The following FAM222A variants were observed in gnomAD, a reference collection of about 807,000 sequenced individuals.
FAM222A encodes the protein protein FAM222A.
Under a neutral mutation model 25.8 loss-of-function variants are expected in FAM222A, and 7 were observed. That is an observed-to-expected ratio of 0.27 (90% CI 0.15 to 0.51). FAM222A has a LOEUF of 0.51. Ranked by LOEUF, FAM222A falls within the 20% of genes least tolerant of loss-of-function variation. The pLI is 0.97. For synonymous variants in FAM222A, 294 were observed against 298.8 expected, an observed-to-expected ratio of 0.98 and a Z score of 0.17; for missense variants, 573 against 640.5, an observed-to-expected ratio of 0.89 and a Z score of 1.14.
intron 1 of FAM222A, among the ~76,000 whole-genome samples, chr12:109,741,277 CCCT>C (rs1215402641): frequency 6.6e-6 from 1 of 152,166 alleles, no homozygotes; most frequent in Non-Finnish European, 1.5e-5. Flanking sequence ...AGAAAAAAGT[CCCT>C]CCTCTTTAAG....
At chr12:109,762,269 T>C (rs2136380607) in intron 2 of FAM222A, among the ~76,000 whole-genome samples, 1 of 152,310 alleles carries the variant, frequency 6.6e-6, no homozygotes, top group Non-Finnish European at 1.5e-5. Flanking sequence ...GCAGCTGCCC[T>C]GTGATGTCCT....
At chr12:109,750,087 CT>C (rs1220704011) in intron 2 of FAM222A, among the ~76,000 whole-genome samples, 2 of 152,094 alleles carry the variant, frequency 1.3e-5, no homozygotes, top group Admixed American at 6.6e-5. Context: ...GTCATTTGTG[CT>C]TTATTTAAGT....
At chr12:109,744,427 G>C (rs1445887251) in intron 2 of FAM222A, 199 bp downstream of exon 2, 55 of 985,434 alleles carry the variant, frequency 5.6e-5, no homozygotes, top group Non-Finnish European at 6.6e-5. Flanking sequence ...AGCTCCTGTG[G>C]AGCAAGACTC....
intron 1 of FAM222A, among the ~76,000 whole-genome samples, chr12:109,730,865 G>A (rs759553521): frequency 1.3e-5 from 2 of 152,236 alleles, no homozygotes; most frequent in East Asian, 1.9e-4. Context: ...CTCCTCCCCC[G>A]CTGCTGTGTG....
At chr12:109,724,434 C>T (rs1007924985) in intron 1 of FAM222A, among the ~76,000 whole-genome samples, 3 of 152,258 alleles carry the variant, frequency 2.0e-5, no homozygotes, top group Non-Finnish European at 4.4e-5. Flanking sequence ...CCAGGCCTCA[C>T]AGACTCCCTT....
At chr12:109,722,945 T>A (rs1313324065) in intron 1 of FAM222A, 4 of 140,398 alleles carry the variant, frequency 2.8e-5, no homozygotes, top group African/African-American at 1.1e-4. Context: ...GGAGCCTCAA[T>A]AGGTGAGATA....
intron 1 of FAM222A, among the ~76,000 whole-genome samples, chr12:109,715,560 T>G (rs1172827673): frequency 6.6e-6 from 1 of 152,086 alleles, no homozygotes; most frequent in Non-Finnish European, 1.5e-5. Flanking sequence ...TGGATGCCTT[T>G]GGGTAGTGGA....
intron 1 of FAM222A, among the ~76,000 whole-genome samples, chr12:109,741,136 G>A (rs1850011308): frequency 1.3e-5 from 2 of 152,188 alleles, no homozygotes; most frequent in Non-Finnish European, 2.9e-5. Context: ...GATGATGCAG[G>A]AGTTGGAGGT....
chr12:109,762,292 G>A (rs746749374), intron 2 of FAM222A, among the ~76,000 whole-genome samples: 5 of 152,190 alleles, frequency 3.3e-5, no homozygotes, highest in Non-Finnish European at 7.3e-5. Flanking sequence ...TGATGGTAGG[G>A]GCCATGGAAA....
At chr12:109,744,534 C>T (rs1306726062) in intron 2 of FAM222A, 2 of 985,322 alleles carry the variant, frequency 2.0e-6, no homozygotes, top group Non-Finnish European at 2.4e-6. Flanking sequence ...CATTATCTAG[C>T]CATGTGTGTC....
At chr12:109,747,065 T>A (rs928845650) in intron 2 of FAM222A, among the ~76,000 whole-genome samples, 3 of 152,180 alleles carry the variant, frequency 2.0e-5, no homozygotes, top group African/African-American at 7.2e-5. Flanking sequence ...TGGGAATACT[T>A]TGGATTTTAG....
rs1887601821 is a variant in FAM222A, at chr12:109,714,556, C to G, written c.-388C>G. The G allele has an allele frequency of 6.6e-6, 1 of 151,772 alleles. No homozygotes were observed. Among genetic ancestry groups the G allele is most frequent in the African/African-American group, 2.4e-5 (1 of 41,402 alleles). 9.4% of individuals were successfully genotyped at this position (151,772 alleles called of 1,614,324 possible). A position where few individuals can be genotyped will look rare whatever the true frequency, so the allele number is the denominator to read the frequency against. On this transcript the variant is annotated 5_prime_UTR_variant, in exon 1 of 3. Coordinates refer to ENST00000538780, the MANE Select transcript of FAM222A (RefSeq NM_032829.3). This position sits in a 1 kb window ranked among gnomAD's most constrained non-coding sequence, Gnocchi z 4.2. ...CCTGGGAGCGGCGCGGGCCGAGCTG[C>G]AGCCTTGAGCGGGGCCCCGAGGGGA... is the stretch of plus-strand genomic sequence containing the variant.
At chr12:109,723,688 G>A (rs577044804) in intron 1 of FAM222A, among the ~76,000 whole-genome samples, 2 of 152,362 alleles carry the variant, frequency 1.3e-5, no homozygotes, top group African/African-American at 4.8e-5. Flanking sequence ...CCCGGAGAGG[G>A]AGCTGGCAGG....
intron 1 of FAM222A, among the ~76,000 whole-genome samples, chr12:109,725,002 T>G (rs1224716266): frequency 6.6e-6 from 1 of 152,064 alleles, no homozygotes; most frequent in Non-Finnish European, 1.5e-5. Flanking sequence ...ATGAACTCCA[T>G]TCTACAGGTG....
chr12:109,756,609 G>T (rs905813926), intron 2 of FAM222A, among the ~76,000 whole-genome samples: 1 of 152,164 alleles, frequency 6.6e-6, no homozygotes, highest in Non-Finnish European at 1.5e-5. Context: ...CTATTGGGAT[G>T]AAGATGTGGT....
At chr12:109,752,152 A>G (rs1217625843) in intron 2 of FAM222A, among the ~76,000 whole-genome samples, 1 of 152,200 alleles carries the variant, frequency 6.6e-6, no homozygotes, top group East Asian at 1.9e-4. Context: ...CCAGATGGCT[A>G]GAGGAGGGGC....
chr12:109,742,611 CTT>C (rs201720366), intron 1 of FAM222A, among the ~76,000 whole-genome samples: 1 of 142,242 alleles, frequency 7.0e-6, no homozygotes, highest in Admixed American at 6.9e-5. Flanking sequence ...CTCTCTCGCT[CTT>C]TTTTTTTTTT....
At chr12:109,766,005 C>T (rs956430425) in intron 2 of FAM222A, among the ~76,000 whole-genome samples, 2 of 152,222 alleles carry the variant, frequency 1.3e-5, no homozygotes, top group Non-Finnish European at 2.9e-5. Context: ...GATGAGGAAG[C>T]AGAGGCCGAG....
intron 1 of FAM222A, among the ~76,000 whole-genome samples, chr12:109,716,267 C>T (rs1292095376): frequency 6.6e-6 from 1 of 152,178 alleles, no homozygotes; most frequent in Non-Finnish European, 1.5e-5. Context: ...TCCCTTCCAG[C>T]AATTATTGCC....
Sources: allele counts gnomAD v4.1 joint callset (sites outside exome capture counted in the v4.1 genomes callset), GRCh38; gene constraint gnomAD v4.1.1; non-coding constraint Gnocchi (gnomAD v3.1); transcripts MANE v1.5; gene names NCBI Gene and HGNC (gene_info 2026-07-23, HGNC 2026-07-21).